The following AGRN variants were observed in gnomAD, a reference collection of about 807,000 sequenced individuals.
The protein encoded by AGRN is agrin.
Under a neutral mutation model 211.0 loss-of-function variants are expected in AGRN, and 106 were observed. The observed-to-expected ratio is 0.50, with a 90% CI of 0.43 to 0.59. The LOEUF (loss-of-function observed/expected upper bound fraction) is 0.59, where lower values mean the gene tolerates loss of function less well. Ranked by LOEUF, AGRN falls within the 20% of genes least tolerant of loss-of-function variation. The pLI is 0.00. For synonymous variants in AGRN, 1,525 were observed against 1,332.5 expected (o/e 1.14, Z -3.15); for missense variants, 3,040 against 2,982.6 (o/e 1.02, Z -0.45).
intron 2 of AGRN, chr1:1,034,068 G>A (rs373480805): frequency 9.4e-6 from 9 of 960,088 alleles, no homozygotes; most frequent in East Asian, 1.2e-4. Context: ...CGCAGGCGGC[G>A]CTTTCTTCTC....
chr1:1,045,938 A>T lies in AGRN; in HGVS notation c.2681-26A>T, dbSNP rs148313662. On this transcript the variant is annotated intron_variant, in intron 15 of 35. Transcript: ENST00000379370. ...GGTGGGGTGGGGTCACCCGAGCCACAGAGGTTTCCCATGCCCGTGCCCCAG... is the reference window on the plus strand; with the variant it reads ...GGTGGGGTGGGGTCACCCGAGCCACTGAGGTTTCCCATGCCCGTGCCCCAG... 6.8e-6 allele frequency: 11 copies of T among 1,612,692 alleles called. 1 individual carries two copies. In the African/African-American group the frequency reaches 1.5e-4, roughly 21 times the overall value.
Position 1,047,970 on chromosome 1 carries a change from G to A in AGRN, c.3752-42G>A, listed in dbSNP as rs764119706. ...TGCCCCTGCCCCTCACCCCTTCCTG[G>A]CCCTGCTCCCAGGAAACCCTAACAG... is the stretch of plus-strand genomic sequence containing the variant. On this transcript the variant is annotated intron_variant, in intron 22 of 35. Transcript: ENST00000379370. 6 of 1,571,264 alleles carry A rather than the reference G, an allele frequency of 3.8e-6. 1 individual carries two copies. In the South Asian group the frequency reaches 7.0e-5, roughly 18 times the overall value.
chr1:1,024,188 C>G (rs998569859), intron 2 of AGRN, among the ~76,000 whole-genome samples: 1 of 152,048 alleles, frequency 6.6e-6, no homozygotes, highest in Non-Finnish European at 1.5e-5. Context: ...GGCTGGGGTC[C>G]CTGGCTGCCG....
rs1645288352 is a variant in AGRN, at chr1:1,051,480, A to T, written c.5398A>T (p.Thr1800Ser). 4 of 1,567,704 alleles carry T rather than the reference A, an allele frequency of 2.6e-6. No homozygotes were observed. Among genetic ancestry groups the T allele is most frequent in the Non-Finnish European group, 3.4e-6 (4 of 1,160,800 alleles). ...LVSLGGRQLL[T>S]PEHVLRQVDV... ...CTCCCTCGGAGGCCGCCAGCTGCTG[A>T]CCCCGGAGCACGTGCTGCGGCAGGT... is the stretch of plus-strand genomic sequence containing the variant. Residue 1800 changes from threonine to serine, a missense_variant, in exon 32 of 36, where the codon ACC becomes TCC. By Grantham distance (58) the Thr-to-Ser change is moderately conservative (BLOSUM62 1). Coordinates refer to ENST00000379370, the MANE Select transcript of AGRN (RefSeq NM_198576.4).
In AGRN at chr1:1,050,714, C is replaced by G; in HGVS notation, c.5142-12C>G. 1 of 1,600,536 alleles carries G rather than the reference C, an allele frequency of 6.2e-7. No homozygotes were observed. Among genetic ancestry groups the G allele is most frequent in the East Asian group, 2.2e-5 (1 of 44,450 alleles). The stretch of plus-strand genomic sequence containing the variant: ...GTGGACAGAGCCCACTCACGCTGCC[C>G]CTCCTCACCAGGAGCAGGGAGCCAG... On this transcript the variant is annotated splice_polypyrimidine_tract_variant and intron_variant, in intron 29 of 35. Coordinates refer to ENST00000379370, the MANE Select transcript of AGRN (RefSeq NM_198576.4).
chr1:1,041,838 G>A, intron 6 of AGRN, 118 bp from the exon 7 acceptor site: 1 of 1,418,028 alleles, frequency 7.1e-7, no homozygotes, highest in Middle Eastern at 2.4e-4. Context: ...CAGTGCCAGG[G>A]TCGAGGTGGG....
At position 1,046,539 on chromosome 1, in the gene AGRN, T is replaced by A; in HGVS notation, c.3054T>A (p.Pro1018=). The change falls in exon 18 of 36, where the codon CCT becomes CCA. Residue 1018 remains proline, a synonymous_variant. Transcript: ENST00000379370. ...GTACCGCACACAGCCAGACCACCCC[T>A]CCGCCCTCATCACGACCTCGGACCA... ...PSSTAHSQTT[P]PPSSRPRTTA... is the part of the protein sequence containing the mutation. 1.2e-6 allele frequency: 2 copies of A among 1,604,792 alleles called. No homozygotes were observed. The highest frequency in any genetic ancestry group is 4.5e-5 in the East Asian group (2 of 44,526).
At chr1:1,044,590 C>T (rs1447978108) in intron 12 of AGRN, 151 bp downstream of exon 12, 4 of 859,960 alleles carry the variant, frequency 4.7e-6, no homozygotes, top group South Asian at 3.3e-5. Context: ...GGTGCCTGTG[C>T]ACATTTGTGC....
At position 1,051,270 on chromosome 1, in the gene AGRN, C is replaced by A. The variant is rs770610097; in HGVS notation, c.5271C>A (p.Leu1757=). The part of the protein sequence containing the change: ...LGESPVPHTV[L]NLKEPLYVGG... ...CCCCGCAGGTTCCGCACACCGTCCT[C>A]AACCTGAAGGAGCCGCTCTACGTAG... The change falls in exon 31 of 36, where the codon CTC becomes CTA. Residue 1757 remains leucine, a synonymous_variant. Coordinates refer to ENST00000379370, the MANE Select transcript of AGRN (RefSeq NM_198576.4). The A allele has an allele frequency of 4.4e-5, 70 of 1,580,774 alleles. No individual in the cohort carries two copies. Among genetic ancestry groups the A allele is most frequent in the Non-Finnish European group, 5.8e-5 (67 of 1,164,546 alleles).
In AGRN at chr1:1,053,801, G is replaced by A. The variant is rs748895745; in HGVS notation, c.5700G>A (p.Glu1900=). The A allele has an allele frequency of 2.5e-6, 4 of 1,610,950 alleles. No homozygotes were observed. The highest frequency in any genetic ancestry group is 8.5e-7 in the Non-Finnish European group (1 of 1,179,312). The change falls in exon 34 of 36, where the codon GAG becomes GAA. Residue 1900 remains glutamate (E), a synonymous_variant. Transcript: ENST00000379370. ...ACTTTGAACTGAGCCTGCGCACTGA[G>A]GCCACGCAGGGGCTGGTGCTCTGGA... ...SNHFELSLRT[E]ATQGLVLWSG...
At chr1:1,047,975 G>T in intron 22 of AGRN, 37 bp from the exon 23 acceptor site, 2 of 1,570,174 alleles carry the variant, frequency 1.3e-6, no homozygotes, top group African/African-American at 1.3e-5. Flanking sequence ...TCCTGGCCCT[G>T]CTCCCAGGAA....
intron 12 of AGRN, among the ~76,000 whole-genome samples, chr1:1,044,857 G>A (rs752933422): frequency 4.6e-5 from 7 of 152,222 alleles, no homozygotes; most frequent in African/African-American, 7.2e-5. Context: ...GCATGCTGAC[G>A]TCTTCAGATG....
chr1:1,044,422 C>T lies in AGRN; in HGVS notation c.2237C>T (p.Ala746Val). Residue 746 changes from alanine (A) to valine (V), a missense_variant, in exon 12 of 36, where the codon GCC becomes GTC. Transcript: ENST00000379370. ...CESQRGLYVAAQGACRGPTFA... is the reference protein window; with the variant it reads ...CESQRGLYVAVQGACRGPTFA... ...TCACAGCGAGGGCTCTACGTAGCGGCCCAGGGAGCCTGCCGAGGTGAGCCG... is the reference window on the plus strand; with the variant it reads ...TCACAGCGAGGGCTCTACGTAGCGGTCCAGGGAGCCTGCCGAGGTGAGCCG... 6.2e-7 allele frequency: 1 copy of T among 1,610,568 alleles called. No individual in the cohort carries two copies. Among genetic ancestry groups the T allele is most frequent in the Non-Finnish European group, 8.5e-7 (1 of 1,178,850 alleles).
At position 1,029,671 on chromosome 1, in the gene AGRN, ATG is replaced by A. The variant is rs36212580; in HGVS notation, c.464-5591_464-5590del. Among the ~76,000 whole-genome samples, 3 of 49,006 alleles carry A rather than the reference ATG, an allele frequency of 6.1e-5. 1 individual carries two copies. Among genetic ancestry groups the A allele is most frequent in the African/African-American group, 2.0e-4 (2 of 10,066 alleles). The allele number at this position is 49,006 out of a possible 152,430, so 32.1% of individuals were successfully genotyped here. The stretch of plus-strand genomic sequence containing the variant: ...CAGTGCATGGTGCTGTGAGATCAGC[ATG>A]TGTGTGTGTGTGTGCAGTGCATGGT... On this transcript the variant is annotated intron_variant, in intron 2 of 35. Transcript: ENST00000379370.
intron 3 of AGRN, among the ~76,000 whole-genome samples, chr1:1,038,824 C>T (rs1417035488): frequency 6.6e-6 from 1 of 152,154 alleles, no homozygotes; most frequent in Non-Finnish European, 1.5e-5. Context: ...TTGGACAAGG[C>T]AGGGCCAAAG....
rs1215917689 is a variant in AGRN at position 1,049,562 on chromosome 1, G to A, written c.4515-4G>A. 1 of 1,589,794 alleles carries A rather than the reference G, an allele frequency of 6.3e-7. No individual in the cohort carries two copies. The highest frequency in any genetic ancestry group is 1.1e-5 in the South Asian group (1 of 88,324). On this transcript the variant is annotated splice_region_variant and splice_polypyrimidine_tract_variant and intron_variant, in intron 25 of 35. Transcript: ENST00000379370. ...CCCTGACCCGGTGTCCCTCCTGGTG[G>A]CAGGGCGCTGGAGCGGACCTTCGTG...
rs1217517672 is a variant in AGRN, at chr1:1,053,799, G to A, written c.5698G>A (p.Glu1900Lys). The A allele has an allele frequency of 6.2e-7, 1 of 1,610,956 alleles. No homozygotes were observed. Among genetic ancestry groups the A allele is most frequent in the Non-Finnish European group, 8.5e-7 (1 of 1,179,302 alleles). ...CCACTTTGAACTGAGCCTGCGCACT[G>A]AGGCCACGCAGGGGCTGGTGCTCTG... ...SNHFELSLRT[E>K]ATQGLVLWSG... The change falls in exon 34 of 36, where the codon GAG becomes AAG. Residue 1900 changes from glutamate to lysine, a missense_variant. This residue lies in a region of AGRN where 1,537 missense variants were observed against 1,505.0 expected (regional missense o/e 1.02). Transcript: ENST00000379370.
intron 2 of AGRN, among the ~76,000 whole-genome samples, chr1:1,030,762 TCAG>T (rs1489992665): frequency 1.3e-5 from 1 of 74,650 alleles, no homozygotes; most frequent in African/African-American, 5.5e-5. Context: ...TGCTGTGAGA[TCAG>T]CATGTGTGTG....
intron 12 of AGRN, 41 bp downstream of exon 12, chr1:1,044,480 G>A (rs762943086): frequency 1.9e-5 from 30 of 1,563,554 alleles, no homozygotes; most frequent in Middle Eastern, 3.7e-4. Context: ...CAGGCGGGGC[G>A]GCGTCTGGGT....
Sources: allele counts gnomAD v4.1 joint callset (sites outside exome capture counted in the v4.1 genomes callset), GRCh38; gene constraint gnomAD v4.1.1; regional missense constraint gnomAD v4.1.1; transcripts MANE v1.5; gene names NCBI Gene and HGNC (gene_info 2026-07-23, HGNC 2026-07-21).